The following TICRR variants were observed in gnomAD, a reference collection of about 807,000 sequenced individuals.
The protein encoded by TICRR is TOPBP1 interacting checkpoint and replication regulator, also known as treslin.
In TICRR, 132 loss-of-function variants were observed where a neutral mutation model predicts 178.1. That is an observed-to-expected ratio of 0.74 (90% confidence interval 0.64 to 0.86). The LOEUF (loss-of-function observed/expected upper bound fraction) is 0.86, where lower values mean the gene tolerates loss of function less well. Among genes scored for constraint, TICRR ranks in the 40% least tolerant of loss-of-function variants. The probability of loss-of-function intolerance (pLI) is 0.00; values close to 1 mark genes in which losing one functional copy is unlikely to be tolerated. For missense variants in TICRR, 2,587 were observed against 2,334.3 expected, an observed-to-expected ratio of 1.11 and a Z score of -2.23; for synonymous variants, 991 against 900.7, an observed-to-expected ratio of 1.10 and a Z score of -1.79.
chr15:89,607,231 G>A (rs1167630821), intron 14 of TICRR, among the ~76,000 whole-genome samples: 3 of 152,002 alleles, frequency 2.0e-5, no homozygotes, highest in African/African-American at 4.8e-5. Flanking sequence ...TTGAAGAAGC[G>A]GTGTATGCTA....
chr15:89,576,611 T>G (rs1348648691), intron 1 of TICRR, among the ~76,000 whole-genome samples: 1 of 152,026 alleles, frequency 6.6e-6, no homozygotes, highest in Non-Finnish European at 1.5e-5. Flanking sequence ...AGGCCAGTCT[T>G]AACTTCACTT....
intron 5 of TICRR, among the ~76,000 whole-genome samples, chr15:89,592,561 A>G (rs1459965975): frequency 2.0e-5 from 3 of 152,224 alleles, no homozygotes; most frequent in African/African-American, 2.4e-5. Flanking sequence ...TAAGGAAAAA[A>G]GTTAACAACC....
chr15:89,614,506 T>A (rs1276441043), intron 15 of TICRR, among the ~76,000 whole-genome samples: 1 of 152,104 alleles, frequency 6.6e-6, no homozygotes, highest in Non-Finnish European at 1.5e-5. Context: ...ATTTTTGTAT[T>A]TTTTTGTAAA....
At position 89,598,238 on chromosome 15, in the gene TICRR, G is replaced by T. The variant is rs1963032824; in HGVS notation, c.1901-1086G>T. Among the ~76,000 whole-genome samples, 4 of 152,226 alleles carry T rather than the reference G, an allele frequency of 2.6e-5. No individual in the cohort carries two copies. In the South Asian group the frequency reaches 6.2e-4, roughly 24 times the overall value. On this transcript the variant is annotated intron_variant, in intron 7 of 21. Transcript: ENST00000268138. ...TCTGCCCACCTCAGCCTCCCAAAGTGCTGGGATTACAGGCGTGAGCCACCA... is the reference window on the plus strand; with the variant it reads ...TCTGCCCACCTCAGCCTCCCAAAGTTCTGGGATTACAGGCGTGAGCCACCA...
intron 4 of TICRR, among the ~76,000 whole-genome samples, chr15:89,590,593 C>T (rs1001124774): frequency 6.6e-6 from 1 of 152,212 alleles, no homozygotes; most frequent in Non-Finnish European, 1.5e-5. Context: ...CCCCACCATG[C>T]TCCATCTGGG....
At chr15:89,597,533 A>G (rs1232610731) in intron 7 of TICRR, among the ~76,000 whole-genome samples, 1 of 151,936 alleles carries the variant, frequency 6.6e-6, no homozygotes, top group Non-Finnish European at 1.5e-5. Flanking sequence ...TCAAAAAAAA[A>G]AAAAAAAATC....
At position 89,575,849 on chromosome 15, in the gene TICRR, C is replaced by A; in HGVS notation, c.263C>A (p.Ala88Asp). 6.3e-7 allele frequency: 1 copy of A among 1,586,630 alleles called. No individual in the cohort carries two copies. Among genetic ancestry groups the A allele is most frequent in the East Asian group, 2.3e-5 (1 of 43,500 alleles). Residue 88 changes from alanine to aspartate, a missense_variant, in exon 1 of 22, where the codon GCC becomes GAC. Transcript: ENST00000268138. The stretch of plus-strand genomic sequence containing the variant: ...CTGGAGGCCAGGCTCGAGGATCGCG[C>A]CCACCTGCCCGGCCCGGCGCCCAGG... ...EELEARLEDR[A>D]HLPGPAPRAT...
chr15:89,617,369 T>A (rs961915303), intron 16 of TICRR, among the ~76,000 whole-genome samples: 1 of 152,224 alleles, frequency 6.6e-6, no homozygotes, highest in Non-Finnish European at 1.5e-5. Flanking sequence ...TTGGCAGAAA[T>A]TAAGGCTCTT....
rs76647163 is a variant in TICRR, at chr15:89,602,330, C to T, written c.2567+354C>T. 2.6e-3 allele frequency among the ~76,000 whole-genome samples: 393 copies of T among 152,254 alleles called. 19 individuals are homozygous for T. The East Asian group carries it at 0.071, about 28-fold the overall frequency. On this transcript the variant is annotated intron_variant, in intron 12 of 21. Transcript: ENST00000268138. ...TCATATGGAAAAGCTAATGTTCCAG[C>T]ATTGTTACTGAATAGCAGTCATTTC... is the stretch of plus-strand genomic sequence containing the variant.
At chr15:89,584,754 A>G (rs934815755) in intron 3 of TICRR, among the ~76,000 whole-genome samples, 1 of 152,234 alleles carries the variant, frequency 6.6e-6, no homozygotes, top group African/African-American at 2.4e-5. Flanking sequence ...TTATATTCAC[A>G]TAGGGAAGAA....
At chr15:89,589,646 G>A (rs1316394755) in intron 4 of TICRR, among the ~76,000 whole-genome samples, 3 of 152,130 alleles carry the variant, frequency 2.0e-5, no homozygotes, top group Admixed American at 6.5e-5. Context: ...GACCTTTACT[G>A]CACTTGTCTG....
intron 13 of TICRR, among the ~76,000 whole-genome samples, chr15:89,603,264 T>C (rs1429488115): frequency 6.6e-6 from 1 of 152,202 alleles, no homozygotes; most frequent in Non-Finnish European, 1.5e-5. Flanking sequence ...TGCTTTTCAA[T>C]ATGTTATATT....
At position 89,583,031 on chromosome 15, in the gene TICRR, AG is replaced by A; in HGVS notation, c.934+67del. 2.0e-6 allele frequency: 3 copies of A among 1,471,068 alleles called. No homozygotes were observed. In the South Asian group the frequency reaches 4.1e-5, roughly 20 times the overall value. The allele number at this position is 1,471,068 out of a possible 1,614,324, so 91.1% of individuals were successfully genotyped here. A position where few individuals can be genotyped will look rare whatever the true frequency, so the allele number is the denominator to read the frequency against. Reference sequence around the variant, plus strand: ...TCAGTTACATTAATTTCTTCAAAGAAGCTTTTAACTTCTTTGGCATTTCTCA... The same window carrying A: ...TCAGTTACATTAATTTCTTCAAAGAACTTTTAACTTCTTTGGCATTTCTCA... On this transcript the variant is annotated intron_variant, in intron 2 of 21. Transcript: ENST00000268138.
At chr15:89,625,863 T>G (rs768753656) in intron 20 of TICRR, 73 bp from the exon 21 acceptor site, 13 of 1,544,530 alleles carry the variant, frequency 8.4e-6, no homozygotes, top group Non-Finnish European at 1.1e-5. Context: ...ACTTGGGAGT[T>G]GCTTCTTGGG....
At chr15:89,580,508 T>C (rs1001407146) in intron 1 of TICRR, among the ~76,000 whole-genome samples, 2 of 152,222 alleles carry the variant, frequency 1.3e-5, no homozygotes. Context: ...CAGATATAGA[T>C]ACATGGGTGG....
chr15:89,602,694 T>G (rs904582502), intron 12 of TICRR, 102 bp from the exon 13 acceptor site: 1 of 573,798 alleles, frequency 1.7e-6, no homozygotes, highest in African/African-American at 1.9e-5. Context: ...TAACTGGCTT[T>G]TATTTAAATC....
At position 89,609,100 on chromosome 15, in the gene TICRR, C is replaced by CTTTTTTTTTTTTTTTTTTTT. The variant is rs59398617; in HGVS notation, c.2869+160_2869+179dup. The CTTTTTTTTTTTTTTTTTTTT allele has an allele frequency of 2.9e-4, 24 of 81,478 alleles. 5 individuals carry two copies. The highest frequency in any genetic ancestry group is 2.3e-3 in the African/African-American group (22 of 9,406). The allele number at this position is 81,478 out of a possible 1,614,324, so 5.0% of individuals were successfully genotyped here. ...CTAAAGGTTTGTCAATTTTGTTAAT[C>CTTTTTTTTTTTTTTTTTTTT]TTTTTTTTTTTTTTTTTTTTTTTTT... On this transcript the variant is annotated intron_variant, in intron 15 of 21. Coordinates refer to ENST00000268138, the MANE Select transcript of TICRR (RefSeq NM_152259.4).
chr15:89,608,858 G>T lies in TICRR; in HGVS notation c.2778G>T (p.Lys926Asn), dbSNP rs890930424. 2.5e-6 allele frequency: 4 copies of T among 1,609,978 alleles called. No homozygotes were observed. In the African/African-American group the frequency reaches 5.4e-5, roughly 22 times the overall value. Reference sequence around the variant, plus strand: ...ACCAGGAATTGCTTTCCCCTTCAAAGAGATCACTAAAGCGGGGGTTGCCTA... The same window carrying T: ...ACCAGGAATTGCTTTCCCCTTCAAATAGATCACTAAAGCGGGGGTTGCCTA... ...LFNQELLSPS[K>N]RSLKRGLPRS... The change falls in exon 15 of 22, where the codon AAG (lysine) becomes AAT (asparagine). Residue 926 changes from lysine (K) to asparagine (N), a missense_variant. Physicochemically the swap from Lys to Asn is moderately conservative, Grantham distance 94. Transcript: ENST00000268138.
chr15:89,577,599 C>CTTTTTTTTTTTTTTTTTTT (rs71151513), intron 1 of TICRR, among the ~76,000 whole-genome samples: 5 of 60,858 alleles, frequency 8.2e-5, no homozygotes, highest in African/African-American at 3.9e-4. Flanking sequence ...GAGGGAAGGC[C>CTTTTTTTTTTTTTTTTTTT]TTTTTTTTTT....
Sources: allele counts gnomAD v4.1 joint callset (sites outside exome capture counted in the v4.1 genomes callset), GRCh38; gene constraint gnomAD v4.1.1; transcripts MANE v1.5; gene names NCBI Gene and HGNC (gene_info 2026-07-23, HGNC 2026-07-21).